Variants in ZNF334 observed in about 807,000 individuals in gnomAD.
ZNF334 encodes zinc finger protein 334.
Under a neutral mutation model 12.4 loss-of-function variants are expected in ZNF334, and 14 were observed. The ratio of observed to expected loss-of-function variants is 1.13; its 90% confidence interval spans 0.74 to 1.76. ZNF334 has a LOEUF of 1.76. Among genes scored for constraint, ZNF334 ranks in the 40% most tolerant of loss-of-function variants. The pLI is 0.00. For synonymous variants in ZNF334, 273 were observed against 269.6 expected (o/e 1.01, Z -0.12); for missense variants, 797 against 804.5 (o/e 0.99, Z 0.11).
chr20:46,493,365 CT>C, the ZNF334 span, among the ~76,000 whole-genome samples: 17 of 152,306 alleles, frequency 1.1e-4, no homozygotes, highest in Non-Finnish European at 2.4e-4. Flanking sequence ...TTTTGGAGAA[CT>C]TTTGCTAGTA....
intron 3 of ZNF334, 119 bp downstream of exon 3, chr20:46,504,495 G>C: frequency 7.5e-7 from 1 of 1,331,006 alleles, no homozygotes; most frequent in Non-Finnish European, 1.0e-6. Context: ...CTGTCTAAAA[G>C]GGTTTAATCT....
At position 46,501,806 on chromosome 20, in the gene ZNF334, GTTCA is replaced by G. The variant is rs1568853381; in HGVS notation, c.1529_1532del (p.Met510ThrfsTer49). The G allele has an allele frequency of 6.2e-7, 1 of 1,614,112 alleles. No individual in the cohort carries two copies. Among genetic ancestry groups the G allele is most frequent in the East Asian group, 2.2e-5 (1 of 44,864 alleles). On this transcript the variant is annotated frameshift_variant, in exon 5 of 5. Transcript: ENST00000692313. LOFTEE classifies it low-confidence loss of function (END_TRUNC). ...TACACTCATAAAGATTCTCCTTTGT[GTTCA>G]TTCTCTTACACTGACTGCAGTTTGA...
In ZNF334 at chr20:46,501,888, G is replaced by A; in HGVS notation, c.1451C>T (p.Thr484Ile). 2 of 1,614,076 alleles carry A rather than the reference G, an allele frequency of 1.2e-6. No homozygotes were observed. Among genetic ancestry groups the A allele is most frequent in the Non-Finnish European group, 8.5e-7 (1 of 1,180,022 alleles). ...ATTAAACACACCATGTTTCTCTCCT[G>A]TGTGTGTTCTCTGATGTATAGTGAG... Reference protein sequence around the residue: ...STLTIHQRTHTGEKHGVFNKC... With the variant: ...STLTIHQRTHIGEKHGVFNKC... The change falls in exon 5 of 5, where the codon ACA (threonine) becomes ATA (isoleucine). Residue 484 changes from threonine to isoleucine, a missense_variant. By Grantham distance (89) the Thr-to-Ile change is moderately conservative. Transcript: ENST00000692313.
At chr20:46,479,741 G>A in the ZNF334 span, among the ~76,000 whole-genome samples, 1 of 152,236 alleles carries the variant, frequency 6.6e-6, no homozygotes, top group East Asian at 1.9e-4. Context: ...TTAACTAAGA[G>A]TCTGACACCT....
downstream of ZNF334, among the ~76,000 whole-genome samples, chr20:46,495,551 G>A (rs950150166): frequency 2.0e-5 from 3 of 152,094 alleles, no homozygotes; most frequent in Admixed American, 2.0e-4. Flanking sequence ...GTGATTTGAT[G>A]CAGAGACCTA....
chr20:46,488,444 A>AT, the ZNF334 span, among the ~76,000 whole-genome samples: 8 of 84,196 alleles, frequency 9.5e-5, 1 homozygote, highest in African/African-American at 5.5e-4. Context: ...TATATATATA[A>AT]ATACCATAAT....
intron 3 of ZNF334, 128 bp downstream of exon 3, chr20:46,504,486 T>C: frequency 7.8e-7 from 1 of 1,279,152 alleles, no homozygotes; most frequent in Non-Finnish European, 1.1e-6. Flanking sequence ...AAACTTCTAC[T>C]GTCTAAAAGG....
At chr20:46,464,358 A>G in the ZNF334 span, 1 of 515,730 alleles carries the variant, frequency 1.9e-6, no homozygotes, top group South Asian at 1.5e-5. Flanking sequence ...TTGCTCTCAA[A>G]TAGCTTAGTG....
At chr20:46,473,300 T>C in the ZNF334 span, among the ~76,000 whole-genome samples, 4 of 152,382 alleles carry the variant, frequency 2.6e-5, no homozygotes, top group East Asian at 7.7e-4. Context: ...TTAGTCTTTT[T>C]AATAACTGAA....
chr20:46,490,929 T>A, the ZNF334 span: 1 of 152,478 alleles, frequency 6.6e-6, no homozygotes, highest in African/African-American at 2.4e-5. Context: ...CATCGTACTT[T>A]TGTCCAGCAT....
At chr20:46,484,304 T>C in the ZNF334 span, among the ~76,000 whole-genome samples, 3 of 152,206 alleles carry the variant, frequency 2.0e-5, no homozygotes. Flanking sequence ...GAGTAAATCA[T>C]ACTTTTATTG....
chr20:46,472,904 T>C, the ZNF334 span, among the ~76,000 whole-genome samples: 233 of 152,272 alleles, frequency 1.5e-3, 2 homozygotes, highest in East Asian at 0.027. Flanking sequence ...ATTCTTAATA[T>C]ATTTGGCAGG....
At position 46,502,065 on chromosome 20, in the gene ZNF334, C is replaced by A. The variant is rs1337852854; in HGVS notation, c.1274G>T (p.Arg425Ile). 5 of 1,614,094 alleles carry A rather than the reference C, an allele frequency of 3.1e-6. No individual in the cohort carries two copies. The highest frequency in any genetic ancestry group is 4.2e-6 in the Non-Finnish European group (5 of 1,180,044). ...ATAGGGCTTCTCTCCTGTATGACTT[C>A]TTCGATGCACATTGAGGGCAGATTG... ...FCQSALNVHR[R>I]SHTGEKPYEC... The change falls in exon 5 of 5, where the codon AGA (arginine) becomes ATA (isoleucine). Residue 425 changes from arginine to isoleucine, a missense_variant. Physicochemically the swap from Arg to Ile is moderately conservative, Grantham distance 97. Transcript: ENST00000692313.
chr20:46,510,853 A>G (rs1005866633), intron 2 of ZNF334, among the ~76,000 whole-genome samples: 1 of 151,964 alleles, frequency 6.6e-6, no homozygotes. Flanking sequence ...GCAGCAGCAC[A>G]TTGAGCAAGT....
intron 1 of ZNF334, 89 bp from the exon 2 acceptor site, chr20:46,512,229 A>T: frequency 1.1e-6 from 1 of 930,102 alleles, no homozygotes; most frequent in East Asian, 2.5e-5. Flanking sequence ...ACACCCATTT[A>T]AAAACATGGC....
chr20:46,493,375 T>A, the ZNF334 span, among the ~76,000 whole-genome samples: 1 of 152,220 alleles, frequency 6.6e-6, no homozygotes, highest in Non-Finnish European at 1.5e-5. Flanking sequence ...CTTTTGCTAG[T>A]AGACAGTGAA....
At chr20:46,480,441 T>C in the ZNF334 span, among the ~76,000 whole-genome samples, 1 of 152,158 alleles carries the variant, frequency 6.6e-6, no homozygotes, top group Non-Finnish European at 1.5e-5. Context: ...TCCTCCTCCA[T>C]GCAGCTGCCT....
At chr20:46,512,164 G>A in intron 1 of ZNF334, 24 bp from the exon 2 acceptor site, 3 of 1,586,960 alleles carry the variant, frequency 1.9e-6, no homozygotes, top group Non-Finnish European at 2.6e-6. Context: ...AATGGCGAAT[G>A]GAATCATGAG....
the ZNF334 span, among the ~76,000 whole-genome samples, chr20:46,482,622 G>A: frequency 5.3e-5 from 8 of 151,730 alleles, no homozygotes; most frequent in Admixed American, 5.3e-4. Flanking sequence ...ACTGTCTTTA[G>A]TTTTTTACAC....
Sources: gnomAD v4.1 joint callset for allele counts (sites outside exome capture counted in the v4.1 genomes callset) on GRCh38, gnomAD v4.1.1 for gene constraint, MANE v1.5 for transcripts, NCBI Gene and HGNC (gene_info 2026-07-23, HGNC 2026-07-21) for gene names.